RASA1: variants seen among roughly 807,000 people sequenced by gnomAD.
The protein encoded by RASA1 is RAS p21 protein activator 1.
A neutral mutation model predicts 132.2 loss-of-function variants in RASA1; 25 were observed. That is an observed-to-expected ratio of 0.19 (90% confidence interval 0.14 to 0.26). RASA1 has a LOEUF of 0.26. Ranked by LOEUF, RASA1 falls within the 10% of genes least tolerant of loss-of-function variation. The pLI is 1.00. For missense variants in RASA1, 964 were observed against 1,299.2 expected, an observed-to-expected ratio of 0.74 and a Z score of 3.97; for synonymous variants, 477 against 449.9, an observed-to-expected ratio of 1.06 and a Z score of -0.76.
At chr5:87,387,000 C>A in intron 23 of RASA1, 97 bp downstream of exon 23, 2 of 1,168,904 alleles carry the variant, frequency 1.7e-6, no homozygotes, top group African/African-American at 1.5e-5. Flanking sequence ...ATTTTCTATC[C>A]AAAACTAAAA....
chr5:87,366,961 T>C (rs1157045077), intron 11 of RASA1, among the ~76,000 whole-genome samples: 6 of 152,122 alleles, frequency 3.9e-5, no homozygotes, highest in Non-Finnish European at 8.8e-5. Flanking sequence ...GAGCCCAGGC[T>C]CACAACTGCC....
rs773404892 is a variant in RASA1, at chr5:87,331,357, C to T, written c.549C>T (p.His183=). The change falls in exon 2 of 25, where the codon CAC becomes CAT. Residue 183 remains histidine (H), a synonymous_variant. Transcript: ENST00000274376. The part of the protein sequence containing the change: ...LTAPPTNQWY[H]GKLDRTIAEE... ...TCTGTTTTTCCCCTAGGTGGTATCA[C>T]GGAAAACTTGACAGAACGATAGCAG... 2.4e-5 allele frequency: 38 copies of T among 1,607,870 alleles called. No individual in the cohort carries two copies. The highest frequency in any genetic ancestry group is 3.3e-5 in the South Asian group (3 of 90,980).
At chr5:87,339,372 G>T (rs1449646993) in intron 5 of RASA1, among the ~76,000 whole-genome samples, 1 of 152,120 alleles carries the variant, frequency 6.6e-6, no homozygotes, top group Non-Finnish European at 1.5e-5. Context: ...GTATTCTACA[G>T]TAAAAGAGAT....
chr5:87,382,395 TA>T (rs1326956599), intron 20 of RASA1, among the ~76,000 whole-genome samples: 1 of 152,242 alleles, frequency 6.6e-6, no homozygotes, highest in African/African-American at 2.4e-5. Context: ...AGATTGTATC[TA>T]TTAATCTATA....
At chr5:87,348,442 A>G (rs1222534384) in intron 7 of RASA1, among the ~76,000 whole-genome samples, 1 of 152,034 alleles carries the variant, frequency 6.6e-6, no homozygotes, top group South Asian at 2.1e-4. Flanking sequence ...CAAAGATATC[A>G]GAAATACTTC....
At chr5:87,305,033 T>C (rs1451842986) in intron 1 of RASA1, among the ~76,000 whole-genome samples, 1 of 151,730 alleles carries the variant, frequency 6.6e-6, no homozygotes, top group African/African-American at 2.4e-5. Flanking sequence ...TTGAAGGATA[T>C]TGTTTCTGTG....
intron 1 of RASA1, among the ~76,000 whole-genome samples, chr5:87,274,673 C>T (rs1052468993): frequency 6.6e-6 from 1 of 151,662 alleles, no homozygotes; most frequent in Non-Finnish European, 1.5e-5. Flanking sequence ...ATAAATATCA[C>T]GAGTGAAGTA....
intron 1 of RASA1, among the ~76,000 whole-genome samples, chr5:87,275,790 C>A (rs1015726949): frequency 6.6e-6 from 1 of 152,152 alleles, no homozygotes; most frequent in Non-Finnish European, 1.5e-5. Flanking sequence ...AGGCTGGTCT[C>A]GAACTCCTGA....
In RASA1 at chr5:87,391,877, A is replaced by ACAAAGGTTAAGTTAAAATAAAAC; in HGVS notation, c.*998_*1020dup. 4.3e-6 allele frequency: 1 copy of ACAAAGGTTAAGTTAAAATAAAAC among 230,582 alleles called. No individual in the cohort carries two copies. The highest frequency in any genetic ancestry group is 8.6e-6 in the Non-Finnish European group (1 of 116,468). The allele number at this position is 230,582 out of a possible 1,614,324, so 14.3% of individuals were successfully genotyped here. Reference sequence around the variant, plus strand: ...GTATGTGTATTTTTGTGAAGTATTCACAAAGGTTAAGTTAAAATAAAACCA... The same window carrying ACAAAGGTTAAGTTAAAATAAAAC: ...GTATGTGTATTTTTGTGAAGTATTCACAAAGGTTAAGTTAAAATAAAACCAAAGGTTAAGTTAAAATAAAACCA... On this transcript the variant is annotated 3_prime_UTR_variant, in exon 25 of 25. Coordinates refer to ENST00000274376, the MANE Select transcript of RASA1 (RefSeq NM_002890.3).
chr5:87,353,827 C>T (rs993939103), intron 9 of RASA1, among the ~76,000 whole-genome samples: 2 of 152,044 alleles, frequency 1.3e-5, no homozygotes, highest in Non-Finnish European at 2.9e-5. Flanking sequence ...GCAAGAGAGC[C>T]TGTTAAATGT....
chr5:87,338,378 C>T (rs924069296), intron 5 of RASA1, among the ~76,000 whole-genome samples: 1 of 150,212 alleles, frequency 6.7e-6, no homozygotes, highest in Non-Finnish European at 1.5e-5. Context: ...GTTACCCAGG[C>T]TAGAGTGCAG....
intron 1 of RASA1, among the ~76,000 whole-genome samples, chr5:87,285,374 G>A (rs991976932): frequency 6.6e-6 from 1 of 151,178 alleles, no homozygotes; most frequent in Non-Finnish European, 1.5e-5. Flanking sequence ...GCAATGAATG[G>A]TACCTTTTAA....
In RASA1 at chr5:87,353,145, T is replaced by G. The variant is rs764421195; in HGVS notation, c.1254-12T>G. The G allele has an allele frequency of 1.3e-6, 2 of 1,598,228 alleles. No individual in the cohort carries two copies. Among genetic ancestry groups the G allele is most frequent in the Non-Finnish European group, 1.7e-6 (2 of 1,166,658 alleles). On this transcript the variant is annotated splice_polypyrimidine_tract_variant and intron_variant, in intron 8 of 24. Transcript: ENST00000274376. ...TGAGACAGATTAATACTAGAAATTT[T>G]TATTTTAACAGCATTGGGGACATCA...
At position 87,338,533 on chromosome 5, in the gene RASA1, A is replaced by ATATATATATATATATAT. The variant is rs1491365794; in HGVS notation, c.1017+442_1017+443insTATATATATATATATAT. 1.3e-3 allele frequency among the ~76,000 whole-genome samples: 119 copies of ATATATATATATATATAT among 91,202 alleles called. 3 individuals are homozygous for ATATATATATATATATAT. Among genetic ancestry groups the ATATATATATATATATAT allele is most frequent in the Middle Eastern group, 6.5e-3 (1 of 154 alleles). The allele number at this position is 91,202 out of a possible 152,430, so 59.8% of individuals were successfully genotyped here. ...TATATATATATATATATATATATATAAAATTTTTTTTTTTTTTAAGTAGAA... is the reference window on the plus strand; with the variant it reads ...TATATATATATATATATATATATATATATATATATATATATATAAATTTTTTTTTTTTTTAAGTAGAA... On this transcript the variant is annotated intron_variant, in intron 5 of 24. Transcript: ENST00000274376.
chr5:87,309,310 TAGTA>T (rs1755761278), intron 1 of RASA1, among the ~76,000 whole-genome samples: 1 of 152,046 alleles, frequency 6.6e-6, no homozygotes, highest in Non-Finnish European at 1.5e-5. Context: ...TTCTAGAAGG[TAGTA>T]AGTGCTATGG....
intron 11 of RASA1, chr5:87,366,486 T>G (rs550283246): frequency 4.4e-4 from 110 of 250,544 alleles, no homozygotes; most frequent in African/African-American, 2.4e-3. Context: ...TGTGAATGAT[T>G]CCTATTCTGG....
intron 21 of RASA1, among the ~76,000 whole-genome samples, chr5:87,384,711 C>G (rs1761947545): frequency 6.6e-6 from 1 of 152,112 alleles, no homozygotes; most frequent in African/African-American, 2.4e-5. Context: ...TTAATAGACA[C>G]CAATACTTTT....
rs200002693 is a variant in RASA1, at chr5:87,268,675, G to C, written c.224G>C (p.Gly75Ala). The C allele has an allele frequency of 1.9e-4, 305 of 1,611,506 alleles. 1 individual carries two copies. In the East Asian group the frequency reaches 5.7e-3, roughly 30 times the overall value. Residue 75 changes from glycine to alanine, a missense_variant, in exon 1 of 25, where the codon GGG becomes GCG. By Grantham distance (60) the Gly-to-Ala change is moderately conservative. This residue lies in a region of RASA1 where 326 missense variants were observed against 275.8 expected (regional missense o/e 1.18). Coordinates refer to ENST00000274376, the MANE Select transcript of RASA1 (RefSeq NM_002890.3). ...AALGSEFLGA[G>A]SVAGALGGAG... Reference sequence around the variant, plus strand: ...TTGGGGTCAGAGTTCCTAGGAGCCGGGTCTGTGGCAGGGGCACTGGGGGGA... The same window carrying C: ...TTGGGGTCAGAGTTCCTAGGAGCCGCGTCTGTGGCAGGGGCACTGGGGGGA...
intron 18 of RASA1, among the ~76,000 whole-genome samples, chr5:87,379,443 C>T (rs1246523601): frequency 6.6e-6 from 1 of 152,064 alleles, no homozygotes; most frequent in Non-Finnish European, 1.5e-5. Context: ...ATTAAATAAG[C>T]CTCATTCAGA....
Sources: gnomAD v4.1 joint callset for allele counts (sites outside exome capture counted in the v4.1 genomes callset) on GRCh38, gnomAD v4.1.1 for gene constraint, gnomAD v4.1.1 regional missense constraint, MANE v1.5 for transcripts, NCBI Gene and HGNC (gene_info 2026-07-23, HGNC 2026-07-21) for gene names.